FBXO36: variants seen among roughly 807,000 people sequenced by gnomAD.
FBXO36 encodes the protein F-box only protein 36.
Under a neutral mutation model 17.0 loss-of-function variants are expected in FBXO36, and 18 were observed. The observed-to-expected ratio is 1.06, with a 90% CI of 0.73 to 1.57. The LOEUF is 1.57. Ranked by LOEUF, FBXO36 falls within the 40% of genes most tolerant of loss-of-function variation. The pLI is 0.00. For synonymous variants in FBXO36, 83 were observed against 85.3 expected (o/e 0.97, Z 0.15); for missense variants, 229 against 221.9 (o/e 1.03, Z -0.20).
chr2:229,938,980 C>G (rs930043314), intron 1 of FBXO36, among the ~76,000 whole-genome samples: 1 of 150,936 alleles, frequency 6.6e-6, no homozygotes, highest in African/African-American at 2.4e-5. Flanking sequence ...GGAGATGGCT[C>G]GAGCCACCGC....
At chr2:229,926,930 G>A (rs1057142519) in intron 1 of FBXO36, among the ~76,000 whole-genome samples, 1 of 151,634 alleles carries the variant, frequency 6.6e-6, no homozygotes, top group Non-Finnish European at 1.5e-5. Context: ...GGTGATCTCG[G>A]CTCACTGCAA....
chr2:229,945,098 C>T (rs547440176), intron 1 of FBXO36: 1 of 152,022 alleles, frequency 6.6e-6, no homozygotes, highest in East Asian at 1.9e-4. Flanking sequence ...AGATGTGAAG[C>T]GGTAAACAAT....
intron 2 of FBXO36, among the ~76,000 whole-genome samples, chr2:229,990,194 T>C (rs1388255397): frequency 6.7e-6 from 1 of 149,930 alleles, no homozygotes; most frequent in African/African-American, 2.4e-5. Context: ...ACCCATCCAA[T>C]AGGGTCATTG....
In FBXO36 at chr2:230,011,083, G is replaced by C; in HGVS notation, c.*199G>C. ...TTGCTAGAGTCACCGTCATTCTGAG[G>C]TCAAATCATGGCCCGAGGACAAGGG... On this transcript the variant is annotated 3_prime_UTR_variant, in exon 4 of 4. Coordinates refer to ENST00000283946, the MANE Select transcript of FBXO36 (RefSeq NM_174899.5). 3.6e-6 allele frequency: 2 copies of C among 555,118 alleles called. No individual in the cohort carries two copies. The highest frequency in any genetic ancestry group is 6.2e-6 in the Non-Finnish European group (2 of 320,734). The allele number at this position is 555,118 out of a possible 1,614,324, so 34.4% of individuals were successfully genotyped here. A position where few individuals can be genotyped will look rare whatever the true frequency, so the allele number is the denominator to read the frequency against.
At chr2:229,961,063 A>G (rs1577342478) in intron 1 of FBXO36, among the ~76,000 whole-genome samples, 1 of 151,736 alleles carries the variant, frequency 6.6e-6, no homozygotes, top group African/African-American at 2.4e-5. Flanking sequence ...AGCCGAGATC[A>G]CCGCCATTGC....
At chr2:229,923,854 T>G (rs1199609243) in intron 1 of FBXO36, among the ~76,000 whole-genome samples, 4 of 136,468 alleles carry the variant, frequency 2.9e-5, no homozygotes, top group African/African-American at 5.8e-5. Context: ...GTTGTTTTTT[T>G]TTTTTTTTTT....
At chr2:230,006,629 T>G (rs769849177) in intron 3 of FBXO36, among the ~76,000 whole-genome samples, 4 of 152,136 alleles carry the variant, frequency 2.6e-5, no homozygotes, top group African/African-American at 4.8e-5. Flanking sequence ...TTTAAGGAGC[T>G]TACATTCTTG....
chr2:229,973,374 C>A (rs1208229781), intron 1 of FBXO36: 1 of 152,048 alleles, frequency 6.6e-6, no homozygotes, highest in African/African-American at 2.4e-5. Context: ...ATTAGAATGG[C>A]CCCCGCGCAA....
At chr2:229,956,851 G>A (rs1018689482) in intron 1 of FBXO36, among the ~76,000 whole-genome samples, 1 of 152,066 alleles carries the variant, frequency 6.6e-6, no homozygotes, top group African/African-American at 2.4e-5. Flanking sequence ...CATGAGGTGG[G>A]GTATTGTTTT....
intron 1 of FBXO36, among the ~76,000 whole-genome samples, chr2:229,932,156 C>T (rs939130908): frequency 2.0e-5 from 3 of 151,934 alleles, no homozygotes; most frequent in Admixed American, 2.0e-4. Flanking sequence ...ACGAGGTGGG[C>T]GGATCACAAA....
At chr2:229,986,693 C>G (rs2077270153) in intron 2 of FBXO36, among the ~76,000 whole-genome samples, 1 of 151,452 alleles carries the variant, frequency 6.6e-6, no homozygotes, top group African/African-American at 2.4e-5. Flanking sequence ...CACCACCATG[C>G]CCAGCTAATT....
intron 1 of FBXO36, among the ~76,000 whole-genome samples, chr2:229,944,595 T>C (rs1280540535): frequency 7.2e-6 from 1 of 139,726 alleles, no homozygotes; most frequent in African/African-American, 2.8e-5. Flanking sequence ...TCTTTTTCTT[T>C]TTTTTTTTTT....
chr2:229,996,913 G>T lies in FBXO36; in HGVS notation c.368G>T (p.Arg123Ile). 1 of 1,611,898 alleles carries T rather than the reference G, an allele frequency of 6.2e-7. No individual in the cohort carries two copies. Among genetic ancestry groups the T allele is most frequent in the Non-Finnish European group, 8.5e-7 (1 of 1,179,480 alleles). Residue 123 changes from arginine to isoleucine, a missense_variant, in exon 3 of 4, where the codon AGA (arginine) becomes ATA (isoleucine). Arg to Ile is a moderately conservative substitution (Grantham distance 97). Transcript: ENST00000283946. ...GCCAGGCTTTGTCAAACATCACACA[G>T]ATTTGCAAAGGTAACGGTCAATTAT... The part of the protein sequence containing the change: ...DIARLCQTSH[R>I]FAKLCMSDKL...
chr2:229,924,276 A>G (rs2076891208), intron 1 of FBXO36, among the ~76,000 whole-genome samples: 1 of 152,048 alleles, frequency 6.6e-6, no homozygotes, highest in Non-Finnish European at 1.5e-5. Flanking sequence ...TATTTTTAAT[A>G]GAGACGGGGT....
At chr2:230,008,648 A>G (rs2077399779) in intron 3 of FBXO36, among the ~76,000 whole-genome samples, 1 of 152,226 alleles carries the variant, frequency 6.6e-6, no homozygotes, top group Non-Finnish European at 1.5e-5. Context: ...TCTCTATTAC[A>G]AGACACATTG....
intron 1 of FBXO36, among the ~76,000 whole-genome samples, chr2:229,952,182 T>A (rs2077061080): frequency 6.6e-6 from 1 of 152,120 alleles, no homozygotes; most frequent in Non-Finnish European, 1.5e-5. Flanking sequence ...CAACTTCAGG[T>A]TTGGTGGAGA....
chr2:230,006,463 AG>A (rs1248542711), intron 3 of FBXO36, among the ~76,000 whole-genome samples: 1 of 152,100 alleles, frequency 6.6e-6, no homozygotes, highest in Non-Finnish European at 1.5e-5. Flanking sequence ...ATGGCCAGGG[AG>A]TTTCCCTCAG....
chr2:229,941,779 G>T (rs1360596028), intron 1 of FBXO36, among the ~76,000 whole-genome samples: 5 of 152,200 alleles, frequency 3.3e-5, no homozygotes, highest in Admixed American at 3.3e-4. Context: ...CACTTTGGGA[G>T]GCCGAGGCAG....
intron 1 of FBXO36, among the ~76,000 whole-genome samples, chr2:229,928,193 A>G (rs2076922420): frequency 6.6e-6 from 1 of 152,238 alleles, no homozygotes; most frequent in African/African-American, 2.4e-5. Context: ...CATTCATGCC[A>G]TAGAATACTA....
Sources: allele counts gnomAD v4.1 joint callset (sites outside exome capture counted in the v4.1 genomes callset), GRCh38; gene constraint gnomAD v4.1.1; transcripts MANE v1.5; gene names NCBI Gene and HGNC (gene_info 2026-07-23, HGNC 2026-07-21).